Variants in BRAF observed in about 807,000 individuals in gnomAD.
The protein encoded by BRAF is serine/threonine-protein kinase B-raf.
BRAF carries 16 observed loss-of-function variants against 104.6 expected under a neutral mutation model. The ratio of observed to expected loss-of-function variants is 0.15; its 90% CI spans 0.10 to 0.23. The LOEUF is 0.23. Ranked by LOEUF, BRAF falls within the 10% of genes least tolerant of loss-of-function variation. BRAF has a pLI of 1.00. For missense variants in BRAF, 541 were observed against 937.3 expected (o/e 0.58, Z 5.52); for synonymous variants, 310 against 341.6 (o/e 0.91, Z 1.02).
At chr7:140,716,221 A>G (rs1795127255), downstream of BRAF, among the ~76,000 whole-genome samples, 1 of 152,190 alleles carries the variant, frequency 6.6e-6, no homozygotes, top group African/African-American at 2.4e-5. Flanking sequence ...AGCTGGTGTA[A>G]TGCTTCCAGA....
At chr7:140,758,807 C>G (rs181661285) in intron 14 of BRAF, among the ~76,000 whole-genome samples, 47 of 152,316 alleles carry the variant, frequency 3.1e-4, no homozygotes, top group African/African-American at 1.1e-3. Flanking sequence ...AAGATGCACC[C>G]ATTTTACATG....
intron 1 of BRAF, among the ~76,000 whole-genome samples, chr7:140,866,183 T>C (rs1198654346): frequency 6.6e-6 from 1 of 152,234 alleles, no homozygotes; most frequent in Non-Finnish European, 1.5e-5. Context: ...AAACAATAGA[T>C]GTAGTGTAGG....
At chr7:140,763,165 C>G (rs1017689704) in intron 14 of BRAF, among the ~76,000 whole-genome samples, 1 of 152,202 alleles carries the variant, frequency 6.6e-6, no homozygotes, top group Non-Finnish European at 1.5e-5. Context: ...AGGGGCTCCT[C>G]ACTTCCCAGT....
intron 12 of BRAF, among the ~76,000 whole-genome samples, chr7:140,778,290 A>G (rs1800524383): frequency 6.6e-6 from 1 of 152,208 alleles, no homozygotes; most frequent in African/African-American, 2.4e-5. Context: ...TCAAAATATC[A>G]ATCCAAAAAA....
chr7:140,919,857 G>T (rs7784523), intron 1 of BRAF, among the ~76,000 whole-genome samples: 45,165 of 149,830 alleles, frequency 0.3, 10,778 homozygotes, highest in African/African-American at 0.67. Context: ...TTGTTTGTTT[G>T]TTTTGAGGCA....
chr7:140,912,949 G>A (rs1586635831), intron 1 of BRAF, among the ~76,000 whole-genome samples: 1 of 152,178 alleles, frequency 6.6e-6, no homozygotes, highest in Non-Finnish European at 1.5e-5. Context: ...TAATCCCCTA[G>A]TCTCTACCTT....
intron 14 of BRAF, among the ~76,000 whole-genome samples, chr7:140,769,769 C>A (rs777133161): frequency 3.3e-5 from 5 of 151,986 alleles, no homozygotes; most frequent in Non-Finnish European, 7.4e-5. Flanking sequence ...GAGTCAGGGT[C>A]GCACAGTGTC....
At chr7:140,861,507 G>A (rs1563001186) in intron 1 of BRAF, among the ~76,000 whole-genome samples, 1 of 152,078 alleles carries the variant, frequency 6.6e-6, no homozygotes, top group Non-Finnish European at 1.5e-5. Context: ...TTTTGAATTT[G>A]GACTGTTAGC....
intron 3 of BRAF, among the ~76,000 whole-genome samples, chr7:140,815,230 C>T (rs1367054902): frequency 1.3e-5 from 2 of 151,714 alleles, no homozygotes; most frequent in African/African-American, 2.4e-5. Context: ...CTCCACCTCC[C>T]GGGCTCACGC....
intron 17 of BRAF, among the ~76,000 whole-genome samples, chr7:140,743,494 A>G (rs374162216): frequency 6.4e-4 from 97 of 152,066 alleles, no homozygotes; most frequent in Admixed American, 1.2e-3. Context: ...AACACCGCAT[A>G]TTCTCACTCA....
chr7:140,900,994 C>T (rs913611703), intron 1 of BRAF, among the ~76,000 whole-genome samples: 2 of 152,174 alleles, frequency 1.3e-5, no homozygotes, highest in African/African-American at 4.8e-5. Context: ...GGTCATCCTC[C>T]CTCTCTGCTC....
intron 16 of BRAF, among the ~76,000 whole-genome samples, chr7:140,751,738 AG>A (rs1398467909): frequency 2.0e-5 from 3 of 152,178 alleles, no homozygotes; most frequent in Non-Finnish European, 4.4e-5. Flanking sequence ...AAGAAATCAC[AG>A]CTCAATTTAA....
chr7:140,762,603 GTTTT>G (rs774057622), intron 14 of BRAF, among the ~76,000 whole-genome samples: 15 of 96,210 alleles, frequency 1.6e-4, no homozygotes, highest in Non-Finnish European at 3.4e-4. Context: ...TCCAGGAGCT[GTTTT>G]TTTTTTTTTT....
At chr7:140,768,679 T>G (rs866443572) in intron 14 of BRAF, among the ~76,000 whole-genome samples, 1 of 152,064 alleles carries the variant, frequency 6.6e-6, no homozygotes, top group Non-Finnish European at 1.5e-5. Context: ...AATTTTTTTG[T>G]AGAGATGAGG....
At chr7:140,841,051 C>A (rs376391259) in intron 2 of BRAF, among the ~76,000 whole-genome samples, 1 of 151,886 alleles carries the variant, frequency 6.6e-6, no homozygotes, top group Non-Finnish European at 1.5e-5. Context: ...AAAGGACAAA[C>A]CCAGTTTTTT....
At chr7:140,834,125 G>A (rs1429887341) in intron 3 of BRAF, 1 of 172,742 alleles carries the variant, frequency 5.8e-6, no homozygotes, top group Admixed American at 5.5e-5. Context: ...CTCTTTAAAT[G>A]CTTCAAATGT....
At chr7:140,777,878 C>A (rs554208914) in intron 13 of BRAF, 113 bp downstream of exon 12, 1 of 1,080,390 alleles carries the variant, frequency 9.3e-7, no homozygotes, top group Non-Finnish European at 1.4e-6. Flanking sequence ...TCTGTTTCTA[C>A]AAATTTATTC....
At chr7:140,731,563 A>G (rs1004212170) in intron 19 of BRAF, 1 of 152,240 alleles carries the variant, frequency 6.6e-6, no homozygotes, top group African/African-American at 2.4e-5. Flanking sequence ...CTTGAGAGAA[A>G]GGCCATTTAA....
intron 3 of BRAF, among the ~76,000 whole-genome samples, chr7:140,818,251 T>C (rs1415036197): frequency 6.6e-6 from 1 of 152,106 alleles, no homozygotes; most frequent in Non-Finnish European, 1.5e-5. Flanking sequence ...TATTTGTTCA[T>C]TGTAGGTGAC....
Sources: gnomAD v4.1 joint callset for allele counts (sites outside exome capture counted in the v4.1 genomes callset) on GRCh38, gnomAD v4.1.1 for gene constraint, MANE v1.5 for transcripts, NCBI Gene and HGNC (gene_info 2026-07-23, HGNC 2026-07-21) for gene names.